DLG2: variants seen among roughly 807,000 people sequenced by gnomAD.
DLG2 encodes disks large homolog 2.
A neutral mutation model predicts 132.5 loss-of-function variants in DLG2; 45 were observed. The ratio of observed to expected loss-of-function variants is 0.34; its 90% confidence interval spans 0.27 to 0.44. The LOEUF (loss-of-function observed/expected upper bound fraction) is 0.44, where lower values mean the gene tolerates loss of function less well. Ranked by LOEUF, DLG2 falls within the 20% of genes least tolerant of loss-of-function variation. The pLI, the probability that DLG2 is intolerant of heterozygous loss-of-function variation, is 1.00. For missense variants in DLG2, 1,045 were observed against 1,196.9 expected (o/e 0.87, Z 1.87); for synonymous variants, 424 against 419.6 (o/e 1.01, Z -0.13).
intron 3 of DLG2, among the ~76,000 whole-genome samples, chr11:85,355,762 T>C (rs2083643225): frequency 6.6e-6 from 1 of 152,188 alleles, no homozygotes; most frequent in Non-Finnish European, 1.5e-5. Context: ...ACCATATATA[T>C]AGGATAACAA....
At chr11:83,982,285 T>G (rs1017299223) in intron 11 of DLG2, among the ~76,000 whole-genome samples, 7 of 152,000 alleles carry the variant, frequency 4.6e-5, no homozygotes, top group African/African-American at 1.7e-4. Context: ...TCAGGAGGTA[T>G]CCTACAAGAA....
intron 6 of DLG2, among the ~76,000 whole-genome samples, chr11:84,733,505 T>G (rs1051964008): frequency 1.3e-5 from 2 of 152,172 alleles, no homozygotes; most frequent in Non-Finnish European, 2.9e-5. Context: ...TCTTGTAAAT[T>G]TGTTTCATTT....
At chr11:85,433,586 G>A (rs1316187921) in intron 3 of DLG2, among the ~76,000 whole-genome samples, 1 of 152,136 alleles carries the variant, frequency 6.6e-6, no homozygotes, top group Non-Finnish European at 1.5e-5. Context: ...ATTACATAAT[G>A]GTAAAGGGAT....
intron 6 of DLG2, among the ~76,000 whole-genome samples, chr11:85,081,284 GC>G (rs1484567653): frequency 6.6e-6 from 1 of 152,152 alleles, no homozygotes; most frequent in Non-Finnish European, 1.5e-5. Flanking sequence ...TATTATAGCA[GC>G]CTTGAGCAGA....
intron 7 of DLG2, among the ~76,000 whole-genome samples, chr11:84,306,263 A>G (rs2098216997): frequency 6.6e-6 from 1 of 152,148 alleles, no homozygotes; most frequent in Admixed American, 6.5e-5. Flanking sequence ...AAATATATAA[A>G]TTATTATTTG....
chr11:84,364,836 G>C (rs781743418), intron 7 of DLG2, among the ~76,000 whole-genome samples: 1 of 151,998 alleles, frequency 6.6e-6, no homozygotes, highest in Admixed American at 6.6e-5. Flanking sequence ...TATATTGAAG[G>C]AGCCTTGCAT....
At chr11:83,909,708 T>C (rs1481591339) in intron 15 of DLG2, among the ~76,000 whole-genome samples, 3 of 152,192 alleles carry the variant, frequency 2.0e-5, no homozygotes, top group African/African-American at 4.8e-5. Flanking sequence ...AGACTTATGC[T>C]GGACCCAAGG....
chr11:84,869,838 T>C (rs1279389889), intron 6 of DLG2, among the ~76,000 whole-genome samples: 1 of 152,216 alleles, frequency 6.6e-6, no homozygotes, highest in African/African-American at 2.4e-5. Flanking sequence ...ACAACTAACT[T>C]ATGCAATTTG....
At chr11:84,184,595 C>T (rs12796191) in intron 8 of DLG2, among the ~76,000 whole-genome samples, 6 of 152,172 alleles carry the variant, frequency 3.9e-5, no homozygotes, top group East Asian at 1.9e-4. Flanking sequence ...TTTGTCAATT[C>T]TGGCTTTTGT....
At chr11:84,684,506 C>G (rs1363969865) in intron 6 of DLG2, among the ~76,000 whole-genome samples, 1 of 152,146 alleles carries the variant, frequency 6.6e-6, no homozygotes, top group African/African-American at 2.4e-5. Context: ...CCTATGAAAG[C>G]AGCATCAACT....
chr11:83,471,702 G>A lies in DLG2; in HGVS notation c.2370C>T (p.Ile790=), dbSNP rs1349115608. The A allele has an allele frequency of 6.2e-6, 10 of 1,612,954 alleles. No homozygotes were observed. The highest frequency in any genetic ancestry group is 1.1e-5 in the South Asian group (1 of 91,040). ...TGATCCGATCCTTCATGGGCCCCAG[G>A]ATAATCACCGGCCGGGTGTAGTTTA... The part of the protein sequence containing the change: ...QEINYTRPVI[I]LGPMKDRIND... Residue 790 remains isoleucine (I), a synonymous_variant, in exon 24 of 28, where the codon ATC becomes ATT. Coordinates refer to ENST00000376104, the MANE Select transcript of DLG2 (RefSeq NM_001142699.3).
intron 18 of DLG2, among the ~76,000 whole-genome samples, chr11:83,700,062 G>T (rs1053112052): frequency 2.0e-5 from 3 of 151,184 alleles, no homozygotes; most frequent in Admixed American, 1.3e-4. Context: ...GGCAGGAGAG[G>T]AACAAAAGTT....
At chr11:83,736,340 A>G (rs2091891271) in intron 18 of DLG2, among the ~76,000 whole-genome samples, 1 of 152,066 alleles carries the variant, frequency 6.6e-6, no homozygotes, top group Non-Finnish European at 1.5e-5. Flanking sequence ...TTTGCTTTTA[A>G]TATTATTATT....
chr11:85,144,349 C>A (rs1566930150), intron 5 of DLG2, among the ~76,000 whole-genome samples: 1 of 138,060 alleles, frequency 7.2e-6, no homozygotes, highest in Non-Finnish European at 1.6e-5. Context: ...ATAATTGGGT[C>A]TTTTTTTTTT....
intron 14 of DLG2, among the ~76,000 whole-genome samples, chr11:83,948,446 A>G (rs763253321): frequency 2.0e-5 from 3 of 152,024 alleles, no homozygotes; most frequent in Non-Finnish European, 4.4e-5. Context: ...CCCACCCAGC[A>G]CTCCATGGAA....
At chr11:84,465,861 A>T (rs901777987) in intron 7 of DLG2, among the ~76,000 whole-genome samples, 1 of 151,204 alleles carries the variant, frequency 6.6e-6, no homozygotes, top group Admixed American at 6.6e-5. Flanking sequence ...ATCAAATCCT[A>T]GCTCTGATAT....
At chr11:85,423,671 CT>C (rs1157805622) in intron 3 of DLG2, among the ~76,000 whole-genome samples, 1 of 152,058 alleles carries the variant, frequency 6.6e-6, no homozygotes, top group African/African-American at 2.4e-5. Context: ...AGGATTATGA[CT>C]GTCTCTACTG....
intron 6 of DLG2, among the ~76,000 whole-genome samples, chr11:84,934,537 T>TC (rs2154093308): frequency 7.2e-6 from 1 of 138,844 alleles, no homozygotes; most frequent in Admixed American, 7.1e-5. Flanking sequence ...TTTTTTTTTT[T>TC]TTTTTTTTTG....
chr11:84,204,806 A>T (rs533583414), intron 8 of DLG2, among the ~76,000 whole-genome samples: 1 of 152,210 alleles, frequency 6.6e-6, no homozygotes, highest in South Asian at 2.1e-4. Context: ...AATTCAAGCC[A>T]TTCTCCTGCC....
Sources: gnomAD v4.1 joint callset for allele counts (sites outside exome capture counted in the v4.1 genomes callset) on GRCh38, gnomAD v4.1.1 for gene constraint, MANE v1.5 for transcripts, NCBI Gene and HGNC (gene_info 2026-07-23, HGNC 2026-07-21) for gene names.